BRIP1: variants seen among roughly 807,000 people sequenced by gnomAD.
BRIP1 encodes the protein Fanconi anemia group J protein.
BRIP1 carries 88 observed loss-of-function variants against 119.7 expected under a neutral mutation model. That is an observed-to-expected ratio of 0.74 (90% confidence interval 0.62 to 0.88). BRIP1 has a LOEUF of 0.88. BRIP1 is among the 40% of genes least tolerant of loss of function. The probability of loss-of-function intolerance (pLI) is 0.00; values close to 1 mark genes in which losing one functional copy is unlikely to be tolerated. For missense variants in BRIP1, 1,259 were observed against 1,455.4 expected (o/e 0.87, Z 2.20); for synonymous variants, 443 against 496.5 (o/e 0.89, Z 1.43).
At chr17:61,698,025 C>T (rs530241366) in intron 17 of BRIP1, among the ~76,000 whole-genome samples, 20 of 152,114 alleles carry the variant, frequency 1.3e-4, no homozygotes, top group African/African-American at 4.1e-4. Context: ...AGGCTGGTCT[C>T]GAACTCCTGA....
Position 61,689,344 on chromosome 17 carries a change from A to G in BRIP1, c.2576-3179T>C, listed in dbSNP as rs2061412799. 6.6e-6 allele frequency among the ~76,000 whole-genome samples: 1 copy of G among 152,096 alleles called. No homozygotes were observed. The highest frequency in any genetic ancestry group is 2.4e-5 in the African/African-American group (1 of 41,414). On this transcript the variant is annotated intron_variant, in intron 18 of 19. Transcript: ENST00000259008. The surrounding 1 kb of genome is among the most constrained non-coding windows in gnomAD (Gnocchi z 4.5). ...AGGAAATTTGAAGGCAAGTCGTTTG[A>G]AATCATCCAGTCAGGGAAGCAAAAA... is the stretch of plus-strand genomic sequence containing the variant.
rs4988351 is a variant in BRIP1, at chr17:61,780,448, C to A, written c.1795-47G>T. The A allele has an allele frequency of 1.3e-6, 2 of 1,551,754 alleles. No homozygotes were observed. The highest frequency in any genetic ancestry group is 1.1e-5 in the South Asian group (1 of 89,260). On this transcript the variant is annotated intron_variant, in intron 12 of 19. Coordinates refer to ENST00000259008, the MANE Select transcript of BRIP1 (RefSeq NM_032043.3). The surrounding 1 kb of genome is among the most constrained non-coding windows in gnomAD (Gnocchi z 5.4). The stretch of plus-strand genomic sequence containing the variant: ...TAAATAAAATTATCTTTAGAAGAGG[C>A]TGGGCAAAGTGGCTCACACCTGTAA...
At chr17:61,719,726 GA>G (rs746285189) in intron 16 of BRIP1, among the ~76,000 whole-genome samples, 195 of 133,656 alleles carry the variant, frequency 1.5e-3, no homozygotes, top group East Asian at 7.0e-3. Flanking sequence ...CTCTGTCTCG[GA>G]AAAAAAAAAA....
rs575998972 is a variant in BRIP1 at position 61,683,858 on chromosome 17, G to A, written c.3188C>T (p.Ser1063Leu). 7 of 1,614,120 alleles carry A rather than the reference G, an allele frequency of 4.3e-6. No homozygotes were observed. In the African/African-American group the frequency reaches 8.0e-5, roughly 18 times the overall value. The part of the protein sequence containing the change: ...CESSNLTVNT[S>L]FGSCPQSETI... ...TTCTGATTGAGGGCATGATCCAAAC[G>A]ATGTGTTTACTGTCAGATTTGAGGA... Residue 1063 changes from serine to leucine, a missense_variant, in exon 20 of 20, where the codon TCG becomes TTG. This residue lies in a region of BRIP1 where 753 missense variants were observed against 891.8 expected (regional missense o/e 0.84). Coordinates refer to ENST00000259008, the MANE Select transcript of BRIP1 (RefSeq NM_032043.3). The surrounding 1 kb of genome is among the most constrained non-coding windows in gnomAD (Gnocchi z 4.7).
rs183105259 is a variant in BRIP1 at position 61,725,769 on chromosome 17, C to T, written c.2380-9706G>A. Among the ~76,000 whole-genome samples the T allele has an allele frequency of 9.9e-5, 15 of 151,894 alleles. No homozygotes were observed. The highest frequency in any genetic ancestry group is 2.1e-4 in the South Asian group (1 of 4,752). On this transcript the variant is annotated intron_variant, in intron 16 of 19. Transcript: ENST00000259008. The surrounding 1 kb of genome is among the most constrained non-coding windows in gnomAD (Gnocchi z 5.3). ...CCTCAGTAGCTAGGACTTACAGATACGTGCCCCAACACCAGGCTAATTAAA... is the reference window on the plus strand; with the variant it reads ...CCTCAGTAGCTAGGACTTACAGATATGTGCCCCAACACCAGGCTAATTAAA...
At chr17:61,791,357 G>A (rs894868902) in intron 10 of BRIP1, among the ~76,000 whole-genome samples, 1 of 151,278 alleles carries the variant, frequency 6.6e-6, no homozygotes. Flanking sequence ...GGCATGGTGG[G>A]GCATGCCTGT....
At chr17:61,772,746 A>T (rs1310898641) in intron 14 of BRIP1, among the ~76,000 whole-genome samples, 1 of 144,212 alleles carries the variant, frequency 6.9e-6, no homozygotes, top group Non-Finnish European at 1.5e-5. Context: ...TGAACCCGGG[A>T]GGCAGAGGTT....
rs567179361 is a variant in BRIP1 at position 61,841,317 on chromosome 17, G to A, written c.627+5784C>T. Among the ~76,000 whole-genome samples, 2 of 150,866 alleles carry A rather than the reference G, an allele frequency of 1.3e-5. No individual in the cohort carries two copies. Among genetic ancestry groups the A allele is most frequent in the Non-Finnish European group, 2.9e-5 (2 of 67,872 alleles). ...AAATATTTCCAAACTATTCATCTGA[G>A]AAGGGACTACTATCCAGAATATACA... On this transcript the variant is annotated intron_variant, in intron 6 of 19. Transcript: ENST00000259008. This position sits in a 1 kb window ranked among gnomAD's most constrained non-coding sequence, Gnocchi z 4.1.
In BRIP1 at chr17:61,831,627, C is replaced by T. The variant is rs1030042867; in HGVS notation, c.627+15474G>A. Among the ~76,000 whole-genome samples the T allele has an allele frequency of 6.6e-6, 1 of 152,092 alleles. No homozygotes were observed. The highest frequency in any genetic ancestry group is 6.6e-5 in the Admixed American group (1 of 15,260). On this transcript the variant is annotated intron_variant, in intron 6 of 19. Transcript: ENST00000259008. The surrounding 1 kb of genome is among the most constrained non-coding windows in gnomAD (Gnocchi z 4.1). Reference sequence around the variant, plus strand: ...ATGTATACACCACATTTTGTTTATTCGTTTATTTATCAATGGACATTTTGG... The same window carrying T: ...ATGTATACACCACATTTTGTTTATTTGTTTATTTATCAATGGACATTTTGG...
At chr17:61,818,941 T>C (rs1306154169) in intron 6 of BRIP1, among the ~76,000 whole-genome samples, 1 of 152,130 alleles carries the variant, frequency 6.6e-6, no homozygotes, top group Non-Finnish European at 1.5e-5. Context: ...ATCCCAGCAC[T>C]TTGGGAGGCC....
In BRIP1 at chr17:61,745,141, C is replaced by A. The variant is rs1435762070; in HGVS notation, c.2098-550G>T. 6.6e-6 allele frequency among the ~76,000 whole-genome samples: 1 copy of A among 151,966 alleles called. No individual in the cohort carries two copies. Among genetic ancestry groups the A allele is most frequent in the Non-Finnish European group, 1.5e-5 (1 of 67,994 alleles). On this transcript the variant is annotated intron_variant, in intron 14 of 19. Coordinates refer to ENST00000259008, the MANE Select transcript of BRIP1 (RefSeq NM_032043.3). The surrounding 1 kb of genome is among the most constrained non-coding windows in gnomAD (Gnocchi z 4.4). The stretch of plus-strand genomic sequence containing the variant: ...TTGAATATTTGATCATCATTAATAA[C>A]CTGCATTGAAAAAAGATAGAAATAA...
intron 10 of BRIP1, among the ~76,000 whole-genome samples, chr17:61,787,781 A>G (rs560628426): frequency 6.6e-6 from 1 of 151,988 alleles, no homozygotes; most frequent in Non-Finnish European, 1.5e-5. Flanking sequence ...AGTAGCGGGG[A>G]CTACAGGCGC....
At position 61,862,507 on chromosome 17, in the gene BRIP1, C is replaced by T. The variant is rs1384831330; in HGVS notation, c.-31+777G>A. ...AGATGAGGATCACTTTAATCCTCAC[C>T]TCTTCTAAACCACTTTTCTTAACCT... On this transcript the variant is annotated intron_variant, in intron 1 of 19. Transcript: ENST00000259008. The surrounding 1 kb of genome is among the most constrained non-coding windows in gnomAD (Gnocchi z 5.3). Among the ~76,000 whole-genome samples, 1 of 152,192 alleles carries T rather than the reference C, an allele frequency of 6.6e-6. No homozygotes were observed. The highest frequency in any genetic ancestry group is 2.4e-5 in the African/African-American group (1 of 41,426).
In BRIP1 at chr17:61,859,123, CTGTTTATCTG is replaced by C. The variant is rs1447956542; in HGVS notation, c.205+663_205+672del. On this transcript the variant is annotated intron_variant, in intron 3 of 19. Transcript: ENST00000259008. ...ATACAAACAATATTATACTAAATTT[CTGTTTATCTG>C]GCATTTAAACAAGTAGAAAGATCAA... is the stretch of plus-strand genomic sequence containing the variant. Among the ~76,000 whole-genome samples, 4 of 150,082 alleles carry C rather than the reference CTGTTTATCTG, an allele frequency of 2.7e-5. No homozygotes were observed. In the South Asian group the frequency reaches 8.4e-4, roughly 32 times the overall value.
Position 61,796,773 on chromosome 17 carries a change from T to G in BRIP1, c.1340+2327A>C, listed in dbSNP as rs1469910899. ...AGAAAGATGAGTGAAAGTAGAGACC[T>G]GTTAGGAGGTTGTTATAATATCCTT... On this transcript the variant is annotated intron_variant, in intron 9 of 19. Transcript: ENST00000259008. This position sits in a 1 kb window ranked among gnomAD's most constrained non-coding sequence, Gnocchi z 4.8. Among the ~76,000 whole-genome samples, 2 of 152,036 alleles carry G rather than the reference T, an allele frequency of 1.3e-5. No homozygotes were observed. Among genetic ancestry groups the G allele is most frequent in the East Asian group, 3.9e-4 (2 of 5,192 alleles).
rs1344938745 is a variant in BRIP1, at chr17:61,683,919, T to C, written c.3127A>G (p.Ser1043Gly). 2 of 1,614,232 alleles carry C rather than the reference T, an allele frequency of 1.2e-6. No homozygotes were observed. Among genetic ancestry groups the C allele is most frequent in the Non-Finnish European group, 8.5e-7 (1 of 1,180,030 alleles). ...PPRFKTEKME[S>G]KTVLPFTDKC... ...TCAGTGAAGGGCAAAACAGTTTTAC[T>C]TTCCATCTTCTCTGTTTTGAAACGG... The change falls in exon 20 of 20, where the codon AGT (serine) becomes GGT (glycine). Residue 1043 changes from serine (S) to glycine (G), a missense_variant. Around this residue, in one of 3 missense-constraint regions of BRIP1, gnomAD observed 753 missense variants for 891.8 expected, o/e 0.84. Transcript: ENST00000259008. This position sits in a 1 kb window ranked among gnomAD's most constrained non-coding sequence, Gnocchi z 4.7.
At position 61,780,201 on chromosome 17, in the gene BRIP1, A is replaced by T. The variant is rs2145071659; in HGVS notation, c.1935+60T>A. The T allele has an allele frequency of 2.0e-6, 3 of 1,529,602 alleles. No homozygotes were observed. The highest frequency in any genetic ancestry group is 2.3e-5 in the South Asian group (2 of 85,398). 94.8% of individuals were successfully genotyped at this position (1,529,602 alleles called of 1,614,324 possible). On this transcript the variant is annotated intron_variant, in intron 13 of 19. Coordinates refer to ENST00000259008, the MANE Select transcript of BRIP1 (RefSeq NM_032043.3). The surrounding 1 kb of genome is among the most constrained non-coding windows in gnomAD (Gnocchi z 5.4). ...ACTTCAGGTATCTTCTAACTTGTTTACATAGTTATATTGAAGTAGAAACAC... is the reference window on the plus strand; with the variant it reads ...ACTTCAGGTATCTTCTAACTTGTTTTCATAGTTATATTGAAGTAGAAACAC...
chr17:61,714,981 C>G (rs1261875305), intron 17 of BRIP1, among the ~76,000 whole-genome samples: 2 of 151,788 alleles, frequency 1.3e-5, no homozygotes, highest in African/African-American at 4.8e-5. Context: ...GAGTGGATCA[C>G]TTGAGGCCAG....
rs1424065369 is a variant in BRIP1, at chr17:61,810,884, C to A, written c.628-2127G>T. Among the ~76,000 whole-genome samples the A allele has an allele frequency of 6.6e-6, 1 of 151,968 alleles. No individual in the cohort carries two copies. Among genetic ancestry groups the A allele is most frequent in the African/African-American group, 2.4e-5 (1 of 41,390 alleles). ...GGGATGCTATTATACAGTTTTACAA[C>A]TAGATACTTTGTTTTCAAAGTTTTT... On this transcript the variant is annotated intron_variant, in intron 6 of 19. Coordinates refer to ENST00000259008, the MANE Select transcript of BRIP1 (RefSeq NM_032043.3). The surrounding 1 kb of genome is among the most constrained non-coding windows in gnomAD (Gnocchi z 4.7).
Sources: gnomAD v4.1 joint callset for allele counts (sites outside exome capture counted in the v4.1 genomes callset) on GRCh38, gnomAD v4.1.1 for gene constraint, gnomAD v4.1.1 regional missense constraint, Gnocchi (gnomAD v3.1) non-coding constraint, MANE v1.5 for transcripts, NCBI Gene and HGNC (gene_info 2026-07-23, HGNC 2026-07-21) for gene names.